The following UGT1A7 variants were observed in gnomAD, a reference collection of about 807,000 sequenced individuals.
UGT1A7 encodes the protein UDP-glucuronosyltransferase 1A7.
A neutral mutation model predicts 45.6 loss-of-function variants in UGT1A7; 33 were observed. That is an observed-to-expected ratio of 0.72 (90% CI 0.55 to 0.97). The LOEUF (loss-of-function observed/expected upper bound fraction) is 0.97. Ranked by LOEUF, UGT1A7 falls within the 50% of genes least tolerant of loss-of-function variation. UGT1A7 has a pLI of 0.00. For synonymous variants in UGT1A7, 274 were observed against 250.6 expected, an observed-to-expected ratio of 1.09 and a Z score of -0.88; for missense variants, 684 against 666.2, an observed-to-expected ratio of 1.03 and a Z score of -0.29.
intron 1 of UGT1A7, chr2:233,743,992 A>G: frequency 1.6e-6 from 2 of 1,255,210 alleles, no homozygotes; most frequent in South Asian, 1.3e-5. Context: ...CGCAGGCCCG[A>G]GTGCTCGGAG....
rs1319041279 is a variant in UGT1A7 at position 233,750,932 on chromosome 2, G to C, written c.856-16102G>C. Among the ~76,000 whole-genome samples the C allele has an allele frequency of 2.6e-5, 4 of 151,980 alleles. No homozygotes were observed. The East Asian group carries it at 7.7e-4, about 29-fold the overall frequency. ...AAGGGTGGTAAAGAAATGTGAGGTT[G>C]GAGCCCCCACACAGAGTCTCCACTG... On this transcript the variant is annotated intron_variant, in intron 1 of 4. Coordinates refer to ENST00000373426, the MANE Select transcript of UGT1A7 (RefSeq NM_019077.3).
chr2:233,707,127 T>C (rs1043935272), intron 1 of UGT1A7, among the ~76,000 whole-genome samples: 3 of 152,176 alleles, frequency 2.0e-5, no homozygotes, highest in African/African-American at 7.2e-5. Flanking sequence ...TGCATTAGGC[T>C]TTCTATCCCG....
intron 1 of UGT1A7, among the ~76,000 whole-genome samples, chr2:233,684,262 C>T (rs147889560): frequency 1.5e-3 from 225 of 152,230 alleles, no homozygotes; most frequent in African/African-American, 4.3e-3. Context: ...CAGTTGTAGG[C>T]CTTTCAAATG....
At chr2:233,718,649 C>G (rs1013351620) in intron 1 of UGT1A7, 2 of 1,502,938 alleles carry the variant, frequency 1.3e-6, no homozygotes, top group South Asian at 1.3e-5. Context: ...GGGCCCATAA[C>G]GAAAGGCAGT....
At chr2:233,747,436 T>C (rs1449782015) in intron 1 of UGT1A7, 22 of 1,608,824 alleles carry the variant, frequency 1.4e-5, no homozygotes, top group African/African-American at 2.7e-5. Flanking sequence ...GAGAAATTTT[T>C]CACCCTGACA....
chr2:233,697,882 A>T (rs28898578), intron 1 of UGT1A7, among the ~76,000 whole-genome samples: 1 of 152,322 alleles, frequency 6.6e-6, no homozygotes, highest in East Asian at 1.9e-4. Flanking sequence ...ATTTCTTACC[A>T]TTGATTGAAT....
Position 233,772,276 on chromosome 2 carries a change from T to C in UGT1A7, c.1310T>C (p.Ile437Thr). 6.2e-7 allele frequency: 1 copy of C among 1,614,240 alleles called. No homozygotes were observed. The highest frequency in any genetic ancestry group is 8.5e-7 in the Non-Finnish European group (1 of 1,180,050). ...VINDKSYKEN[I>T]MRLSSLHKDR... ...TTTGTGTTTAGTTACAAGGAGAACA[T>C]CATGCGCCTCTCCAGCCTTCACAAG... The change falls in exon 5 of 5, where the codon ATC (isoleucine) becomes ACC (threonine). Residue 437 changes from isoleucine to threonine, a missense_variant. By Grantham distance (89) the Ile-to-Thr change is moderately conservative. Coordinates refer to ENST00000373426, the MANE Select transcript of UGT1A7 (RefSeq NM_019077.3).
chr2:233,693,679 G>T (rs750041304), intron 1 of UGT1A7: 1 of 1,614,172 alleles, frequency 6.2e-7, no homozygotes, highest in East Asian at 2.2e-5. Context: ...TTTATTGTCT[G>T]TTTTCAAAGT....
intron 1 of UGT1A7, among the ~76,000 whole-genome samples, chr2:233,711,923 C>G (rs946379005): frequency 1.3e-5 from 2 of 152,212 alleles, no homozygotes; most frequent in Admixed American, 6.5e-5. Flanking sequence ...TGCTCAGGGT[C>G]TCTCCATTAG....
chr2:233,760,305 G>C (rs745957787), intron 1 of UGT1A7: 19 of 1,613,584 alleles, frequency 1.2e-5, no homozygotes, highest in Non-Finnish European at 1.6e-5. Context: ...TGGAGTCCCA[G>C]GGCGGACGCC....
At chr2:233,732,493 G>A (rs141356640) in intron 1 of UGT1A7, among the ~76,000 whole-genome samples, 3,223 of 152,294 alleles carry the variant, frequency 0.021, 102 homozygotes, top group African/African-American at 0.073. Context: ...TGTATAAGGC[G>A]TAAGGAAGGG....
rs188974985 is a variant in UGT1A7 at position 233,689,973 on chromosome 2, C to T, written c.855+7181C>T. 1.3e-5 allele frequency: 6 copies of T among 455,414 alleles called. No individual in the cohort carries two copies. In the East Asian group the frequency reaches 3.5e-4, roughly 26 times the overall value. 28.2% of individuals were successfully genotyped at this position (455,414 alleles called of 1,614,324 possible). A position where few individuals can be genotyped will look rare whatever the true frequency, so the allele number is the denominator to read the frequency against. Reference sequence around the variant, plus strand: ...TTATTTCCATGCTTGGAGGAACCCACAGGCCCCTAAAAGGGATTCTCACTT... The same window carrying T: ...TTATTTCCATGCTTGGAGGAACCCATAGGCCCCTAAAAGGGATTCTCACTT... On this transcript the variant is annotated intron_variant, in intron 1 of 4. Coordinates refer to ENST00000373426, the MANE Select transcript of UGT1A7 (RefSeq NM_019077.3).
chr2:233,747,618 G>T (rs1433302665), intron 1 of UGT1A7: 1 of 1,574,996 alleles, frequency 6.3e-7, no homozygotes, highest in African/African-American at 1.4e-5. Context: ...GCATAATGAG[G>T]CCCTGATCAG....
At chr2:233,727,155 T>C (rs2077588603) in intron 1 of UGT1A7, among the ~76,000 whole-genome samples, 1 of 152,182 alleles carries the variant, frequency 6.6e-6, no homozygotes, top group South Asian at 2.1e-4. Flanking sequence ...GGTCAGTCTT[T>C]CAGGATGCTT....
chr2:233,739,031 G>A (rs1340117619), intron 1 of UGT1A7: 1 of 152,236 alleles, frequency 6.6e-6, no homozygotes, highest in East Asian at 1.9e-4. Flanking sequence ...GGCTAAAAGG[G>A]GCCAAGGTAG....
chr2:233,691,036 C>A (rs570585293), intron 1 of UGT1A7: 1 of 989,684 alleles, frequency 1.0e-6, no homozygotes, highest in Non-Finnish European at 1.2e-6. Context: ...CTCAGACCAA[C>A]GTCCACAGCA....
chr2:233,698,976 C>G (rs1363458651), intron 1 of UGT1A7, among the ~76,000 whole-genome samples: 1 of 152,218 alleles, frequency 6.6e-6, no homozygotes, highest in Non-Finnish European at 1.5e-5. Flanking sequence ...AGCCCTTTGG[C>G]CACCCAGGTG....
intron 1 of UGT1A7, among the ~76,000 whole-genome samples, chr2:233,707,513 AT>A (rs1477564878): frequency 2.1e-5 from 3 of 144,262 alleles, no homozygotes. Context: ...CATAAATAGA[AT>A]TTTACTGTTT....
chr2:233,713,704 T>G (rs778886685), intron 1 of UGT1A7: 2 of 1,613,920 alleles, frequency 1.2e-6, no homozygotes, highest in Middle Eastern at 1.7e-4. Context: ...GCCTCTGAGC[T>G]TTTTCAGAGA....
Sources: allele counts gnomAD v4.1 joint callset (sites outside exome capture counted in the v4.1 genomes callset), GRCh38; gene constraint gnomAD v4.1.1; transcripts MANE v1.5; gene names NCBI Gene and HGNC (gene_info 2026-07-23, HGNC 2026-07-21).